Variants in CNTN4 observed in about 807,000 individuals in gnomAD.
CNTN4 encodes the protein contactin 4.
A neutral mutation model predicts 122.5 loss-of-function variants in CNTN4; 77 were observed. The observed-to-expected ratio is 0.63, with a 90% CI of 0.52 to 0.76. The LOEUF is 0.76. CNTN4 is among the 30% of genes least tolerant of loss of function. The pLI is 0.00. For missense variants in CNTN4, 1,256 were observed against 1,259.1 expected (o/e 1.00, Z 0.04); for synonymous variants, 512 against 447.0 (o/e 1.15, Z -1.83).
chr3:2,409,334 G>A (rs1018111431), intron 3 of CNTN4, among the ~76,000 whole-genome samples: 6 of 148,368 alleles, frequency 4.0e-5, no homozygotes, highest in Admixed American at 3.4e-4. Flanking sequence ...TGCAAGCTCC[G>A]CCTCCCGGGT....
chr3:2,281,787 A>G lies in CNTN4; in HGVS notation c.-144-57391A>G, dbSNP rs74969252. Among the ~76,000 whole-genome samples, 91 of 152,186 alleles carry G rather than the reference A, an allele frequency of 6.0e-4. No homozygotes were observed. The East Asian group carries it at 0.015, about 26-fold the overall frequency. On this transcript the variant is annotated intron_variant, in intron 2 of 24. Coordinates refer to ENST00000418658, the MANE Select transcript of CNTN4 (RefSeq NM_175607.3). ...ATTAATTAATTTGTCGAATTGTGTT[A>G]TTTCTCTGCTCGTCTAGCATCATCT...
In CNTN4 at chr3:2,408,179, G is replaced by A. The variant is rs111690909; in HGVS notation, c.-89+68946G>A. Among the ~76,000 whole-genome samples the A allele has an allele frequency of 9.1e-4, 138 of 152,202 alleles. 2 individuals carry two copies. The Middle Eastern group carries it at 0.031, about 34-fold the overall frequency. On this transcript the variant is annotated intron_variant, in intron 3 of 24. Coordinates refer to ENST00000418658, the MANE Select transcript of CNTN4 (RefSeq NM_175607.3). The stretch of plus-strand genomic sequence containing the variant: ...CATCCTAAGAGAGGGCTTGGACTAG[G>A]CCATTTCTGTATTGATATCCTGAGA...
intron 24 of CNTN4, among the ~76,000 whole-genome samples, chr3:3,055,655 A>AT (rs1390996087): frequency 6.6e-6 from 1 of 152,228 alleles, no homozygotes; most frequent in East Asian, 1.9e-4. Flanking sequence ...GTGATCTTAG[A>AT]TAAGTTACTT....
intron 2 of CNTN4, among the ~76,000 whole-genome samples, chr3:2,231,959 A>G (rs749604686): frequency 2.0e-5 from 3 of 152,142 alleles, no homozygotes; most frequent in Non-Finnish European, 4.4e-5. Flanking sequence ...TACCTGAATT[A>G]TATATTTCTA....
chr3:2,814,280 A>G (rs942155699), intron 6 of CNTN4, among the ~76,000 whole-genome samples: 1 of 152,260 alleles, frequency 6.6e-6, no homozygotes, highest in African/African-American at 2.4e-5. Flanking sequence ...TTGAGAAACA[A>G]TGGTGCACGG....
intron 18 of CNTN4, 90 bp downstream of exon 18, chr3:3,037,418 A>C: frequency 6.5e-7 from 1 of 1,547,394 alleles, no homozygotes; most frequent in Middle Eastern, 1.7e-4. Flanking sequence ...TTCAGCGCTC[A>C]TGCGGCTCTG....
chr3:2,704,651 T>A (rs1189975955), intron 4 of CNTN4, among the ~76,000 whole-genome samples: 1 of 152,194 alleles, frequency 6.6e-6, no homozygotes, highest in East Asian at 1.9e-4. Context: ...AAAAACAGAT[T>A]ACTATTCCCA....
In CNTN4 at chr3:2,882,514, C is replaced by A. The variant is rs558299383; in HGVS notation, c.653-631C>A. ...GGAAAAGTGGGAGAATATGACCCTC[C>A]AAATAAGTGTGCCATTGGCAAGGTA... On this transcript the variant is annotated intron_variant, in intron 8 of 24. Coordinates refer to ENST00000418658, the MANE Select transcript of CNTN4 (RefSeq NM_175607.3). Among the ~76,000 whole-genome samples, 14 of 152,276 alleles carry A rather than the reference C, an allele frequency of 9.2e-5. No individual in the cohort carries two copies. In the South Asian group the frequency reaches 2.9e-3, roughly 32 times the overall value.
At chr3:2,502,558 A>C (rs1356902143) in intron 3 of CNTN4, among the ~76,000 whole-genome samples, 2 of 151,788 alleles carry the variant, frequency 1.3e-5, no homozygotes, top group Non-Finnish European at 2.9e-5. Context: ...GAACCTTACT[A>C]CTCTGGCTTA....
Position 3,053,896 on chromosome 3 carries a change from T to TTATATAATAGAAA in CNTN4, c.2903_2915dup (p.Lys973TyrfsTer5), listed in dbSNP as rs1701524439. 4 of 1,614,122 alleles carry TTATATAATAGAAA rather than the reference T, an allele frequency of 2.5e-6. No homozygotes were observed. Among genetic ancestry groups the TTATATAATAGAAA allele is most frequent in the Non-Finnish European group, 3.4e-6 (4 of 1,179,962 alleles). On this transcript the variant is annotated frameshift_variant, in exon 24 of 25. Coordinates refer to ENST00000418658, the MANE Select transcript of CNTN4 (RefSeq NM_175607.3). LOFTEE classifies it high-confidence loss of function. The stretch of plus-strand genomic sequence containing the variant: ...AGCTTTCTTTGCCTTTCGATGAAGA[T>TTATATAATAGAAA]TATATAATAGAAATTAAGCCATTCA...
chr3:2,480,296 T>C (rs1303523749), intron 3 of CNTN4, among the ~76,000 whole-genome samples: 2 of 152,064 alleles, frequency 1.3e-5, no homozygotes, highest in Admixed American at 6.6e-5. Flanking sequence ...AGTAAAAGTA[T>C]ACAGATTGGA....
chr3:2,298,437 A>G (rs141780385), intron 2 of CNTN4, among the ~76,000 whole-genome samples: 150 of 152,270 alleles, frequency 9.9e-4, no homozygotes, highest in African/African-American at 3.4e-3. Flanking sequence ...GAATTTTCAG[A>G]AAATAGTTTC....
intron 7 of CNTN4, among the ~76,000 whole-genome samples, chr3:2,820,420 A>G (rs755954841): frequency 1.3e-5 from 2 of 152,228 alleles, no homozygotes; most frequent in Non-Finnish European, 2.9e-5. Flanking sequence ...CCCCACATGT[A>G]GATGCATTCA....
At chr3:2,390,908 T>C (rs1367480041) in intron 3 of CNTN4, among the ~76,000 whole-genome samples, 1 of 152,210 alleles carries the variant, frequency 6.6e-6, no homozygotes, top group Non-Finnish European at 1.5e-5. Context: ...AAAATGGCAT[T>C]TTCTTCTTTC....
rs377022683 is a variant in CNTN4, at chr3:2,416,728, ACT to A, written c.-89+77496_-89+77497del. ...GAGTGCAGTGGTGTGATCTCAGCTCACTGCAAGCTCTGCCTCTCGGGTTCCCG... is the reference window on the plus strand; with the variant it reads ...GAGTGCAGTGGTGTGATCTCAGCTCAGCAAGCTCTGCCTCTCGGGTTCCCG... On this transcript the variant is annotated intron_variant, in intron 3 of 24. Coordinates refer to ENST00000418658, the MANE Select transcript of CNTN4 (RefSeq NM_175607.3). 2.2e-4 allele frequency among the ~76,000 whole-genome samples: 33 copies of A among 152,062 alleles called. 1 individual carries two copies. In the East Asian group the frequency reaches 3.7e-3, roughly 17 times the overall value.
intron 4 of CNTN4, among the ~76,000 whole-genome samples, chr3:2,609,730 G>A (rs912320601): frequency 4.6e-5 from 7 of 152,074 alleles, no homozygotes; most frequent in Admixed American, 2.6e-4. Flanking sequence ...TCTTTCTAGG[G>A]TAGTTTGGGT....
chr3:2,543,934 A>G (rs2078134766), intron 3 of CNTN4, among the ~76,000 whole-genome samples: 1 of 152,160 alleles, frequency 6.6e-6, no homozygotes, highest in South Asian at 2.1e-4. Flanking sequence ...TATGAAGGTA[A>G]GGAAGCGACA....
chr3:2,347,163 A>C (rs1375886422), intron 3 of CNTN4, among the ~76,000 whole-genome samples: 1 of 152,186 alleles, frequency 6.6e-6, no homozygotes, highest in Non-Finnish European at 1.5e-5. Flanking sequence ...AACAGCCCCA[A>C]GTGTCATGGA....
At position 2,842,195 on chromosome 3, in the gene CNTN4, A is replaced by C. The variant is rs145149727; in HGVS notation, c.454+22614A>C. ...TTAAAGAGTGCAGGTAATGGGTTGC[A>C]GCAGAACAGGGCTGTGTGAAGAGAA... On this transcript the variant is annotated intron_variant, in intron 7 of 24. Transcript: ENST00000418658. Among the ~76,000 whole-genome samples the C allele has an allele frequency of 3.7e-3, 571 of 152,322 alleles. 9 individuals are homozygous for C. The highest frequency in any genetic ancestry group is 0.013 in the African/African-American group (536 of 41,580).
Sources: gnomAD v4.1 joint callset for allele counts (sites outside exome capture counted in the v4.1 genomes callset) on GRCh38, gnomAD v4.1.1 for gene constraint, MANE v1.5 for transcripts, NCBI Gene and HGNC (gene_info 2026-07-23, HGNC 2026-07-21) for gene names.